Variants in ANGPTL7 observed in about 807,000 individuals in gnomAD.
The protein encoded by ANGPTL7 is angiopoietin-related protein 7.
In ANGPTL7, 37 loss-of-function variants were observed where a neutral mutation model predicts 38.8. That is an observed-to-expected ratio of 0.95 (90% CI 0.73 to 1.25). ANGPTL7 has a LOEUF of 1.25. Among genes scored for constraint, ANGPTL7 ranks in the 50% most tolerant of loss-of-function variants. ANGPTL7 has a pLI of 0.00. For synonymous variants in ANGPTL7, 166 were observed against 163.2 expected, an observed-to-expected ratio of 1.02 and a Z score of -0.13; for missense variants, 427 against 438.6, an observed-to-expected ratio of 0.97 and a Z score of 0.24.
In ANGPTL7 at chr1:11,195,718, T is replaced by G. The variant is rs1441176477; in HGVS notation, c.*695T>G. The G allele has an allele frequency of 6.5e-6, 1 of 152,780 alleles. No individual in the cohort carries two copies. Among genetic ancestry groups the G allele is most frequent in the Non-Finnish European group, 1.5e-5 (1 of 68,054 alleles). The allele number at this position is 152,780 out of a possible 1,614,324, so 9.5% of individuals were successfully genotyped here. ...AGCAGGAGGTGGACAGAGTCTCTCA[T>G]GGATGCCGGCACAAAACTGCCTTAA... On this transcript the variant is annotated 3_prime_UTR_variant, in exon 5 of 5. Coordinates refer to ENST00000376819, the MANE Select transcript of ANGPTL7 (RefSeq NM_021146.4).
chr1:11,191,346 T>TGGCGAAG (rs1313605447), intron 1 of ANGPTL7, among the ~76,000 whole-genome samples: 5 of 152,320 alleles, frequency 3.3e-5, no homozygotes, highest in East Asian at 1.9e-4. Context: ...AGAATAGTGA[T>TGGCGAAG]GGCGAAGGCA....
Position 11,193,755 on chromosome 1 carries a change from G to C in ANGPTL7, c.653G>C (p.Arg218Pro), listed in dbSNP as rs373447681. Residue 218 changes from arginine (R) to proline (P), a missense_variant, in exon 3 of 5, where the codon CGG becomes CCG. Transcript: ENST00000376819. Reference protein sequence around the residue: ...HIHRLSRQPTRLRVEMEDWEG... With the variant: ...HIHRLSRQPTPLRVEMEDWEG... Reference sequence around the variant, plus strand: ...CACCGGCTCTCCAGACAGCCAACCCGGCTGCGTGTAGAGATGGAGGTAAGC... The same window carrying C: ...CACCGGCTCTCCAGACAGCCAACCCCGCTGCGTGTAGAGATGGAGGTAAGC... 2.5e-6 allele frequency: 4 copies of C among 1,614,110 alleles called. No homozygotes were observed. The highest frequency in any genetic ancestry group is 3.4e-6 in the Non-Finnish European group (4 of 1,180,004).
intron 2 of ANGPTL7, 85 bp from the exon 3 acceptor site, chr1:11,193,495 G>T: frequency 7.9e-7 from 1 of 1,269,434 alleles, no homozygotes; most frequent in African/African-American, 1.5e-5. Context: ...GCTCTGCAGG[G>T]ACAGGAACAG....
rs1421907471 is a variant in ANGPTL7 at position 11,195,528 on chromosome 1, C to G, written c.*505C>G. On this transcript the variant is annotated 3_prime_UTR_variant, in exon 5 of 5. Coordinates refer to ENST00000376819, the MANE Select transcript of ANGPTL7 (RefSeq NM_021146.4). ...CTATTTTTAAATCCAGTGAAATTATCTTGAGTCTACACATTATTTTTAAAA... is the reference window on the plus strand; with the variant it reads ...CTATTTTTAAATCCAGTGAAATTATGTTGAGTCTACACATTATTTTTAAAA... 1.3e-5 allele frequency: 2 copies of G among 155,528 alleles called. No homozygotes were observed. The highest frequency in any genetic ancestry group is 3.8e-4 in the East Asian group (2 of 5,232). 9.6% of individuals were successfully genotyped at this position (155,528 alleles called of 1,614,324 possible).
At chr1:11,190,018 A>G (rs1374314554) in intron 1 of ANGPTL7, 63 bp downstream of exon 1, 2 of 1,534,414 alleles carry the variant, frequency 1.3e-6, no homozygotes, top group East Asian at 2.3e-5. Context: ...CTGCTTCTAC[A>G]TATCCTGGTC....
Position 11,195,137 on chromosome 1 carries a change from A to C in ANGPTL7, c.*114A>C. 8.8e-7 allele frequency: 1 copy of C among 1,139,126 alleles called. No homozygotes were observed. The highest frequency in any genetic ancestry group is 1.2e-6 in the Non-Finnish European group (1 of 813,124). 70.6% of individuals were successfully genotyped at this position (1,139,126 alleles called of 1,614,324 possible). On this transcript the variant is annotated 3_prime_UTR_variant, in exon 5 of 5. Transcript: ENST00000376819. ...AGGGTAGGACTGAGAAACAGCCTAT[A>C]ATCTCCAAAGAAAGAATAAGTCTCC...
chr1:11,193,991 A>T (rs756101799), intron 3 of ANGPTL7, among the ~76,000 whole-genome samples: 3 of 152,198 alleles, frequency 2.0e-5, no homozygotes, highest in Non-Finnish European at 4.4e-5. Flanking sequence ...CAGGTGGGAC[A>T]GGAAGAGGCC....
rs28990995 is a variant in ANGPTL7 at position 11,191,293 on chromosome 1, G to C, written c.377-977G>C. On this transcript the variant is annotated intron_variant, in intron 1 of 4. Transcript: ENST00000376819. ...TATTCTATAAGTAGGTAGTCCCTTA[G>C]AGGAAGCAGTAAGTTGGTGCTTTCA... is the stretch of plus-strand genomic sequence containing the variant. Among the ~76,000 whole-genome samples the C allele has an allele frequency of 2.6e-3, 402 of 152,294 alleles. 4 individuals carry two copies. The highest frequency in any genetic ancestry group is 4.2e-3 in the Non-Finnish European group (286 of 68,020).
At position 11,194,878 on chromosome 1, in the gene ANGPTL7, C is replaced by T. The variant is rs148419594; in HGVS notation, c.896C>T (p.Thr299Ile). The T allele has an allele frequency of 6.2e-7, 1 of 1,614,064 alleles. No individual in the cohort carries two copies. Among genetic ancestry groups the T allele is most frequent in the African/African-American group, 1.3e-5 (1 of 74,934 alleles). ...GGTGGCTACTGGTACAACTGCTGCACAGACTCCAACCTCAATGGAGTGTAC... is the reference window on the plus strand; with the variant it reads ...GGTGGCTACTGGTACAACTGCTGCATAGACTCCAACCTCAATGGAGTGTAC... ...RKGGYWYNCC[T>I]DSNLNGVYYR... The change falls in exon 5 of 5, where the codon ACA becomes ATA. Residue 299 changes from threonine to isoleucine, a missense_variant. By Grantham distance (89) the Thr-to-Ile change is moderately conservative. Coordinates refer to ENST00000376819, the MANE Select transcript of ANGPTL7 (RefSeq NM_021146.4).
chr1:11,189,912 C>T lies in ANGPTL7; in HGVS notation c.333C>T (p.Ile111=). 3 of 1,613,778 alleles carry T rather than the reference C, an allele frequency of 1.9e-6. No individual in the cohort carries two copies. Among genetic ancestry groups the T allele is most frequent in the Non-Finnish European group, 2.5e-6 (3 of 1,179,932 alleles). Residue 111 remains isoleucine (I), a synonymous_variant, in exon 1 of 5, where the codon ATC becomes ATT. Transcript: ENST00000376819. ...KYSEMNNQID[I]MQLQAAQTVT... ...CCGAGATGAACAACCAAATTGACATCATGCAGCTGCAGGCAGCACAGACGG... is the reference window on the plus strand; with the variant it reads ...CCGAGATGAACAACCAAATTGACATTATGCAGCTGCAGGCAGCACAGACGG...
intron 3 of ANGPTL7, among the ~76,000 whole-genome samples, chr1:11,194,109 TG>T (rs1308678147): frequency 6.6e-6 from 1 of 152,144 alleles, no homozygotes; most frequent in African/African-American, 2.4e-5. Context: ...TGATACTGTT[TG>T]GGGACCCTTG....
intron 4 of ANGPTL7, 22 bp from the exon 5 acceptor site, chr1:11,194,832 C>A: frequency 6.2e-7 from 1 of 1,613,194 alleles, no homozygotes; most frequent in Non-Finnish European, 8.5e-7. Context: ...CTTACTAGCA[C>A]TGGGTCTGTT....
rs1571135137 is a variant in ANGPTL7 at position 11,195,047 on chromosome 1, A to C, written c.*24A>C. 1 of 1,610,678 alleles carries C rather than the reference A, an allele frequency of 6.2e-7. No homozygotes were observed. The highest frequency in any genetic ancestry group is 2.2e-5 in the East Asian group (1 of 44,792). On this transcript the variant is annotated 3_prime_UTR_variant, in exon 5 of 5. Transcript: ENST00000376819. ...AAAAGGAGGCTGCCGTGGAGCACGG[A>C]TACAGAAACTGAGACACGTGGAGAC...
rs750295868 is a variant in ANGPTL7, at chr1:11,193,660, G to C, written c.558G>C (p.Arg186=). 1 of 1,614,020 alleles carries C rather than the reference G, an allele frequency of 6.2e-7. No homozygotes were observed. The highest frequency in any genetic ancestry group is 1.1e-5 in the South Asian group (1 of 91,072). The change falls in exon 3 of 5, where the codon CGG becomes CGC. Residue 186 remains arginine, a synonymous_variant. Transcript: ENST00000376819. ...RRKSGLVSFY[R]DWKQYKQGFG... is the part of the protein sequence containing the mutation. The stretch of plus-strand genomic sequence containing the variant: ...AAAGTGGCCTTGTCTCCTTCTACCG[G>C]GACTGGAAGCAGTACAAGCAGGGCT...
At chr1:11,194,420 A>C in intron 3 of ANGPTL7, 41 bp from the exon 4 acceptor site, 4 of 1,594,012 alleles carry the variant, frequency 2.5e-6, no homozygotes, top group Non-Finnish European at 1.7e-6. Flanking sequence ...CATGAAATGG[A>C]GCCTGCTGCA....
At position 11,192,257 on chromosome 1, in the gene ANGPTL7, T is replaced by G. The variant is rs768094587; in HGVS notation, c.377-13T>G. On this transcript the variant is annotated splice_polypyrimidine_tract_variant and intron_variant, in intron 1 of 4. Transcript: ENST00000376819. ...GGGTCTAAATGCTCACCCTGTGGTT[T>G]GTTCTCTTGTAGATGCCATCTACGA... 1 of 1,597,996 alleles carries G rather than the reference T, an allele frequency of 6.3e-7. No individual in the cohort carries two copies. Among genetic ancestry groups the G allele is most frequent in the Non-Finnish European group, 8.6e-7 (1 of 1,165,668 alleles).
Position 11,189,803 on chromosome 1 carries a change from T to C in ANGPTL7, c.224T>C (p.Val75Ala). 1 of 1,614,168 alleles carries C rather than the reference T, an allele frequency of 6.2e-7. No individual in the cohort carries two copies. Among genetic ancestry groups the C allele is most frequent in the South Asian group, 1.1e-5 (1 of 91,076 alleles). ...ELNKKQERDW[V>A]SVVMQVMELE... ...AACAAGAAGCAGGAGAGGGACTGGG[T>C]CAGCGTGGTCATGCAGGTGATGGAG... Residue 75 changes from valine to alanine, a missense_variant, in exon 1 of 5, where the codon GTC becomes GCC. Transcript: ENST00000376819.
In ANGPTL7 at chr1:11,192,330, A is replaced by C. The variant is rs750857295; in HGVS notation, c.437A>C (p.Lys146Thr). 2 of 1,614,124 alleles carry C rather than the reference A, an allele frequency of 1.2e-6. No homozygotes were observed. Among genetic ancestry groups the C allele is most frequent in the Non-Finnish European group, 1.7e-6 (2 of 1,180,018 alleles). ...AACTACCGCATCTCTGGAGTGTATA[A>C]GCTTCCTCCTGATGACTTCCTGGGC... ...QKNYRISGVYKLPPDDFLGSP... is the reference protein window; with the variant it reads ...QKNYRISGVYTLPPDDFLGSP... The change falls in exon 2 of 5, where the codon AAG becomes ACG. Residue 146 changes from lysine to threonine, a missense_variant. By Grantham distance (78) the Lys-to-Thr change is moderately conservative. Transcript: ENST00000376819.
chr1:11,195,282 C>A lies in ANGPTL7; in HGVS notation c.*259C>A. On this transcript the variant is annotated 3_prime_UTR_variant, in exon 5 of 5. Coordinates refer to ENST00000376819, the MANE Select transcript of ANGPTL7 (RefSeq NM_021146.4). The stretch of plus-strand genomic sequence containing the variant: ...GGTAGACTGAGTGGGGTCTCTCTGC[C>A]CAAGATCCCTGACATAGCAGTAGCT... 2.5e-6 allele frequency: 1 copy of A among 393,134 alleles called. No homozygotes were observed. The highest frequency in any genetic ancestry group is 4.5e-6 in the Non-Finnish European group (1 of 220,322). The allele number at this position is 393,134 out of a possible 1,614,324, so 24.4% of individuals were successfully genotyped here. A position where few individuals can be genotyped will look rare whatever the true frequency, so the allele number is the denominator to read the frequency against.
Sources: allele counts gnomAD v4.1 joint callset (sites outside exome capture counted in the v4.1 genomes callset), GRCh38; gene constraint gnomAD v4.1.1; transcripts MANE v1.5; gene names NCBI Gene and HGNC (gene_info 2026-07-23, HGNC 2026-07-21).